The following SIK3 variants were observed in gnomAD, a reference collection of about 807,000 sequenced individuals.
The protein encoded by SIK3 is SIK family kinase 3, also known as serine/threonine-protein kinase SIK3.
A neutral mutation model predicts 144.2 loss-of-function variants in SIK3; 28 were observed. That is an observed-to-expected ratio of 0.19 (90% CI 0.14 to 0.27). The LOEUF (loss-of-function observed/expected upper bound fraction) is 0.27. Ranked by LOEUF, SIK3 falls within the 10% of genes least tolerant of loss-of-function variation. SIK3 has a pLI of 1.00. For synonymous variants in SIK3, 686 were observed against 676.3 expected (o/e 1.01, Z -0.22); for missense variants, 1,319 against 1,776.0 (o/e 0.74, Z 4.62).
At chr11:116,936,407 C>T (rs1316545009) in intron 3 of SIK3, among the ~76,000 whole-genome samples, 3 of 152,128 alleles carry the variant, frequency 2.0e-5, no homozygotes, top group Non-Finnish European at 4.4e-5. Flanking sequence ...AACTCTTTAC[C>T]TCAAGTAATG....
chr11:117,090,751 T>C (rs1955207882), intron 1 of SIK3, among the ~76,000 whole-genome samples: 1 of 152,198 alleles, frequency 6.6e-6, no homozygotes, highest in Non-Finnish European at 1.5e-5. Flanking sequence ...GACTAGCAGA[T>C]TTAAAGGCAA....
rs1021257750 is a variant in SIK3 at position 117,075,562 on chromosome 11, G to A, written c.273+22581C>T. Among the ~76,000 whole-genome samples the A allele has an allele frequency of 6.5e-5, 5 of 77,388 alleles. 1 individual carries two copies. Among genetic ancestry groups the A allele is most frequent in the African/African-American group, 2.3e-4 (5 of 21,766 alleles). 50.8% of individuals were successfully genotyped at this position (77,388 alleles called of 152,430 possible). ...TTTTTTTTTCTTTTTTTTTTTTTTT[G>A]AGGAATCTCAGCTCTGCTGCCCAGG... On this transcript the variant is annotated intron_variant, in intron 1 of 24. Coordinates refer to ENST00000445177, the MANE Select transcript of SIK3 (RefSeq NM_001366686.3).
intron 1 of SIK3, among the ~76,000 whole-genome samples, chr11:117,063,102 T>G (rs1261730586): frequency 6.6e-6 from 1 of 152,250 alleles, no homozygotes. Context: ...TTCTTACTCC[T>G]TGTACAATAT....
intron 3 of SIK3, among the ~76,000 whole-genome samples, chr11:116,934,445 CTT>C (rs1947792013): frequency 6.6e-6 from 1 of 152,298 alleles, no homozygotes; most frequent in South Asian, 2.1e-4. Context: ...TATGACCTGT[CTT>C]CATATATCCA....
chr11:117,051,080 G>A (rs974162708), intron 1 of SIK3, among the ~76,000 whole-genome samples: 4 of 152,168 alleles, frequency 2.6e-5, no homozygotes, highest in Non-Finnish European at 4.4e-5. Context: ...CACCAATGAG[G>A]GTGGGCGTCA....
intron 1 of SIK3, among the ~76,000 whole-genome samples, chr11:117,004,386 C>A (rs1243310817): frequency 6.6e-6 from 1 of 152,036 alleles, no homozygotes; most frequent in Non-Finnish European, 1.5e-5. Context: ...CGTGATGGTG[C>A]ACACCTGTGG....
intron 1 of SIK3, among the ~76,000 whole-genome samples, chr11:117,092,783 C>T (rs1268418128): frequency 2.6e-5 from 4 of 152,158 alleles, no homozygotes; most frequent in Non-Finnish European, 5.9e-5. Context: ...TCAAAGCATC[C>T]ATTTTGTTCT....
intron 1 of SIK3, among the ~76,000 whole-genome samples, chr11:116,982,976 A>C: frequency 7.3e-6 from 1 of 136,246 alleles, no homozygotes; most frequent in Admixed American, 7.7e-5. Context: ...AAAATTTCTG[A>C]CCCGAGGGGA....
In SIK3 at chr11:116,875,733, A is replaced by G. The variant is rs1944216603; in HGVS notation, c.1239+133T>C. 3 of 1,126,824 alleles carry G rather than the reference A, an allele frequency of 2.7e-6. No homozygotes were observed. The East Asian group carries it at 7.1e-5, about 27-fold the overall frequency. 69.8% of individuals were successfully genotyped at this position (1,126,824 alleles called of 1,614,324 possible). A position where few individuals can be genotyped will look rare whatever the true frequency, so the allele number is the denominator to read the frequency against. ...TCTTTGATTGGCCTCTGACAAAGGA[A>G]GAGATGACAAATGGGAGGAGACAGA... On this transcript the variant is annotated intron_variant, in intron 9 of 24. Coordinates refer to ENST00000445177, the MANE Select transcript of SIK3 (RefSeq NM_001366686.3).
chr11:117,042,532 A>T (rs190626647), intron 1 of SIK3, among the ~76,000 whole-genome samples: 3 of 152,350 alleles, frequency 2.0e-5, no homozygotes, highest in Admixed American at 2.0e-4. Flanking sequence ...ATAAGGATAA[A>T]TAAAAACAAT....
chr11:116,846,183 T>G lies in SIK3; in HGVS notation c.*13+200A>C, dbSNP rs11216159. 6.6e-6 allele frequency among the ~76,000 whole-genome samples: 1 copy of G among 152,208 alleles called. No individual in the cohort carries two copies. Among genetic ancestry groups the G allele is most frequent in the East Asian group, 1.9e-4 (1 of 5,192 alleles). ...AAGAGACTGTGTTTAGCATTTCTTC[T>G]GCACACCCCCACCCCTACCTCGCGC... On this transcript the variant is annotated intron_variant, in intron 24 of 24. Transcript: ENST00000445177. This position sits in a 1 kb window ranked among gnomAD's most constrained non-coding sequence, Gnocchi z 4.1.
At chr11:117,003,992 T>C (rs1371736293) in intron 1 of SIK3, among the ~76,000 whole-genome samples, 1 of 152,124 alleles carries the variant, frequency 6.6e-6, no homozygotes, top group African/African-American at 2.4e-5. Context: ...TTATGGAGAA[T>C]ATGGGGAAAA....
At chr11:116,863,205 G>A (rs926773849) in intron 16 of SIK3, among the ~76,000 whole-genome samples, 1 of 152,194 alleles carries the variant, frequency 6.6e-6, no homozygotes, top group African/African-American at 2.4e-5. Context: ...TTTGATCCTG[G>A]GGAGGGCTGT....
intron 4 of SIK3, among the ~76,000 whole-genome samples, chr11:116,900,719 AAT>A (rs542456600): frequency 2.0e-4 from 30 of 152,284 alleles, no homozygotes; most frequent in African/African-American, 6.7e-4. Flanking sequence ...GGCCCAGTCA[AAT>A]ATTACTTCCT....
chr11:117,076,202 A>G (rs1419211252), intron 1 of SIK3, among the ~76,000 whole-genome samples: 1 of 152,034 alleles, frequency 6.6e-6, no homozygotes, highest in Non-Finnish European at 1.5e-5. Flanking sequence ...CAAGCCTTGG[A>G]AGAGCTCTCT....
At chr11:117,091,129 G>C (rs1167832640) in intron 1 of SIK3, among the ~76,000 whole-genome samples, 2 of 150,836 alleles carry the variant, frequency 1.3e-5, no homozygotes, top group African/African-American at 2.4e-5. Flanking sequence ...GGAGAGAGAT[G>C]AGCCATGAAT....
intron 1 of SIK3, among the ~76,000 whole-genome samples, chr11:117,057,853 T>C (rs1310324953): frequency 1.3e-5 from 2 of 152,172 alleles, no homozygotes; most frequent in East Asian, 1.9e-4. Context: ...AGGGTTGCTA[T>C]GAAAACCAAA....
chr11:117,087,011 A>G (rs1345848787), intron 1 of SIK3, among the ~76,000 whole-genome samples: 1 of 151,584 alleles, frequency 6.6e-6, no homozygotes, highest in Non-Finnish European at 1.5e-5. Context: ...AAAAAAAAAA[A>G]AAATCAATGG....
rs548648985 is a variant in SIK3 at position 117,027,682 on chromosome 11, G to A, written c.273+70461C>T. On this transcript the variant is annotated intron_variant, in intron 1 of 24. Coordinates refer to ENST00000445177, the MANE Select transcript of SIK3 (RefSeq NM_001366686.3). ...GGGTTTCACCATGTTGGCCAGGCTGGTCCTGAACTCCTGACCTCAGGTGAT... is the reference window on the plus strand; with the variant it reads ...GGGTTTCACCATGTTGGCCAGGCTGATCCTGAACTCCTGACCTCAGGTGAT... Among the ~76,000 whole-genome samples, 3 of 151,902 alleles carry A rather than the reference G, an allele frequency of 2.0e-5. No homozygotes were observed. The South Asian group carries it at 6.3e-4, about 32-fold the overall frequency.
Sources: gnomAD v4.1 joint callset for allele counts (sites outside exome capture counted in the v4.1 genomes callset) on GRCh38, gnomAD v4.1.1 for gene constraint, Gnocchi (gnomAD v3.1) non-coding constraint, MANE v1.5 for transcripts, NCBI Gene and HGNC (gene_info 2026-07-23, HGNC 2026-07-21) for gene names.